Variants in ADGRG6 observed in about 807,000 individuals in gnomAD.
The protein encoded by ADGRG6 is G-protein coupled receptor 126.
A neutral mutation model predicts 142.4 loss-of-function variants in ADGRG6; 84 were observed. The ratio of observed to expected loss-of-function variants is 0.59; its 90% CI spans 0.49 to 0.71. ADGRG6 has a LOEUF of 0.71. ADGRG6 is among the 30% of genes least tolerant of loss of function. The pLI, the probability that ADGRG6 is intolerant of heterozygous loss-of-function variation, is 0.00. For synonymous variants in ADGRG6, 521 were observed against 520.5 expected (o/e 1.00, Z -0.01); for missense variants, 1,367 against 1,466.6 (o/e 0.93, Z 1.11).
chr6:142,394,289 TA>T (rs1390693056), intron 9 of ADGRG6, among the ~76,000 whole-genome samples: 2 of 152,176 alleles, frequency 1.3e-5, no homozygotes, highest in Admixed American at 1.3e-4. Context: ...TAGCTTTAAA[TA>T]AAGTGTTTAT....
intron 2 of ADGRG6, among the ~76,000 whole-genome samples, chr6:142,328,005 A>G (rs892792776): frequency 5.9e-5 from 9 of 152,144 alleles, no homozygotes; most frequent in Non-Finnish European, 1.3e-4. Context: ...TTCCTACGTT[A>G]CAGATAAGGA....
intron 24 of ADGRG6, among the ~76,000 whole-genome samples, chr6:142,441,478 C>T (rs1777754035): frequency 6.6e-6 from 1 of 152,108 alleles, no homozygotes; most frequent in African/African-American, 2.4e-5. Flanking sequence ...CTTTATTACC[C>T]ATAATGTAAT....
chr6:142,395,458 C>T (rs550130001), intron 9 of ADGRG6, among the ~76,000 whole-genome samples: 25 of 152,122 alleles, frequency 1.6e-4, no homozygotes, highest in Non-Finnish European at 3.2e-4. Context: ...AGTCAGCGTC[C>T]GCTTTTTAGT....
At chr6:142,404,052 C>A in intron 14 of ADGRG6, 79 bp downstream of exon 14, 2 of 1,050,916 alleles carry the variant, frequency 1.9e-6, no homozygotes, top group Non-Finnish European at 2.9e-6. Context: ...GCAGTTGCTG[C>A]TTCCAAGAGG....
chr6:142,374,913 G>A (rs192646314), intron 4 of ADGRG6, among the ~76,000 whole-genome samples: 1 of 152,068 alleles, frequency 6.6e-6, no homozygotes, highest in Admixed American at 6.6e-5. Flanking sequence ...CATTTTATTT[G>A]TAGACAGAAC....
At chr6:142,315,441 T>C (rs937927767) in intron 2 of ADGRG6, among the ~76,000 whole-genome samples, 2 of 151,658 alleles carry the variant, frequency 1.3e-5, no homozygotes, top group African/African-American at 2.4e-5. Context: ...ATATACTTTA[T>C]AGGGTGGGGT....
chr6:142,413,043 A>ATATG (rs1429939451), intron 18 of ADGRG6, among the ~76,000 whole-genome samples: 1 of 151,748 alleles, frequency 6.6e-6, no homozygotes, highest in African/African-American at 2.4e-5. Flanking sequence ...ATATATATAT[A>ATATG]TGTGAAGATA....
chr6:142,351,354 A>G (rs967487602), intron 2 of ADGRG6, among the ~76,000 whole-genome samples: 2 of 152,196 alleles, frequency 1.3e-5, no homozygotes, highest in East Asian at 1.9e-4. Context: ...ACTAAAACAG[A>G]CACACAGACT....
chr6:142,345,659 G>A (rs908491387), intron 2 of ADGRG6, among the ~76,000 whole-genome samples: 1 of 152,064 alleles, frequency 6.6e-6, no homozygotes, highest in Non-Finnish European at 1.5e-5. Flanking sequence ...TATGATTCAT[G>A]TAATTTTGTG....
chr6:142,439,533 A>G (rs908282760), intron 24 of ADGRG6, among the ~76,000 whole-genome samples: 2 of 152,208 alleles, frequency 1.3e-5, no homozygotes, highest in South Asian at 2.1e-4. Context: ...ACCGTTTTCT[A>G]TGTCTTGCCA....
chr6:142,402,286 T>C (rs1775562939), intron 12 of ADGRG6, among the ~76,000 whole-genome samples: 1 of 152,140 alleles, frequency 6.6e-6, no homozygotes, highest in Admixed American at 6.5e-5. Context: ...ACAAAACTAA[T>C]ATATAAATTG....
rs145871077 is a variant in ADGRG6, at chr6:142,403,936, G to A, written c.2090G>A (p.Ser697Asn). The A allele has an allele frequency of 1.9e-6, 3 of 1,610,910 alleles. No homozygotes were observed. The highest frequency in any genetic ancestry group is 1.3e-5 in the African/African-American group (1 of 74,950). ...GGGACAAATGCAATTTCAAATTTTA[G>A]CATTGGTCTTCCAAGCAATAATGAA... ...LPGTNAISNF[S>N]IGLPSNNESY... The change falls in exon 14 of 25, where the codon AGC becomes AAC. Residue 697 changes from serine (S) to asparagine (N), a missense_variant. Physicochemically the swap from Ser to Asn is conservative, Grantham distance 46. This residue lies in a region of ADGRG6 where 286 missense variants were observed against 371.4 expected (regional missense o/e 0.77). Transcript: ENST00000367609.
At chr6:142,338,114 G>A (rs1431731009) in intron 2 of ADGRG6, among the ~76,000 whole-genome samples, 6 of 134,450 alleles carry the variant, frequency 4.5e-5, no homozygotes, top group African/African-American at 1.4e-4. Context: ...TCTGCCTCCC[G>A]GGTTCACGCC....
At chr6:142,370,901 C>T in intron 4 of ADGRG6, 108 bp downstream of exon 4, 1 of 1,064,248 alleles carries the variant, frequency 9.4e-7, no homozygotes, top group Non-Finnish European at 1.4e-6. Flanking sequence ...TATGTATATT[C>T]ACACATATAG....
chr6:142,349,834 G>C (rs1215016881), intron 2 of ADGRG6, among the ~76,000 whole-genome samples: 1 of 152,168 alleles, frequency 6.6e-6, no homozygotes, highest in Non-Finnish European at 1.5e-5. Flanking sequence ...TGGCTAAAAA[G>C]CTCATTTTTT....
At position 142,370,585 on chromosome 6, in the gene ADGRG6, G is replaced by A. The variant is rs377567758; in HGVS notation, c.861G>A (p.Gly287=). 180 of 1,612,258 alleles carry A rather than the reference G, an allele frequency of 1.1e-4. No homozygotes were observed. Among genetic ancestry groups the A allele is most frequent in the Non-Finnish European group, 1.5e-4 (178 of 1,178,618 alleles). ...CTACCATTAGTAAAGTTATTCCTGGGAATGGGAAATTGTTGTTGGGCTCCA... is the reference window on the plus strand; with the variant it reads ...CTACCATTAGTAAAGTTATTCCTGGAAATGGGAAATTGTTGTTGGGCTCCA... The part of the protein sequence containing the change: ...CDSTISKVIP[G]NGKLLLGSNQ... Residue 287 remains glycine, a synonymous_variant, in exon 4 of 25, where the codon GGG becomes GGA. Transcript: ENST00000367609.
chr6:142,302,017 C>T lies in ADGRG6; in HGVS notation c.-313C>T. 2.1e-6 allele frequency: 1 copy of T among 469,618 alleles called. No individual in the cohort carries two copies. The highest frequency in any genetic ancestry group is 3.7e-6 in the Non-Finnish European group (1 of 268,406). 29.1% of individuals were successfully genotyped at this position (469,618 alleles called of 1,614,324 possible). ...GCACCCCTGCCTGGCCCGGTCTCCT[C>T]AGCACCAGCCCCACGCACACCCTAC... On this transcript the variant is annotated 5_prime_UTR_variant, in exon 1 of 25. Transcript: ENST00000367609.
intron 11 of ADGRG6, chr6:142,400,803 C>T: frequency 2.1e-6 from 1 of 474,670 alleles, no homozygotes; most frequent in Non-Finnish European, 3.8e-6. Context: ...CAGCCACATG[C>T]TAATCAAGCC....
intron 6 of ADGRG6, among the ~76,000 whole-genome samples, chr6:142,388,352 A>G (rs1169369174): frequency 4.6e-5 from 7 of 152,082 alleles, no homozygotes; most frequent in Non-Finnish European, 1.0e-4. Context: ...ATTTTGCAAT[A>G]TTTTCCTTAG....
Sources: gnomAD v4.1 joint callset for allele counts (sites outside exome capture counted in the v4.1 genomes callset) on GRCh38, gnomAD v4.1.1 for gene constraint, gnomAD v4.1.1 regional missense constraint, MANE v1.5 for transcripts, NCBI Gene and HGNC (gene_info 2026-07-23, HGNC 2026-07-21) for gene names.